PDE7B: variants seen among roughly 807,000 people sequenced by gnomAD.
The protein encoded by PDE7B is phosphodiesterase 7B.
In PDE7B, 29 loss-of-function variants were observed where a neutral mutation model predicts 56.2. The ratio of observed to expected loss-of-function variants is 0.52; its 90% CI spans 0.38 to 0.70. The LOEUF (loss-of-function observed/expected upper bound fraction) is 0.70. Among genes scored for constraint, PDE7B ranks in the 30% least tolerant of loss-of-function variants. The pLI is 0.00. For missense variants in PDE7B, 490 were observed against 565.0 expected (o/e 0.87, Z 1.35); for synonymous variants, 197 against 196.9 (o/e 1.00, Z 0.00).
At chr6:135,935,218 T>TA (rs1457746105) in intron 1 of PDE7B, among the ~76,000 whole-genome samples, 368 of 34,720 alleles carry the variant, frequency 0.011, 82 homozygotes, top group Admixed American at 0.1. Flanking sequence ...ATATATATAT[T>TA]TTCATGATTC....
intron 10 of PDE7B, 75 bp from the exon 11 acceptor site, chr6:136,181,152 C>A: frequency 2.0e-6 from 2 of 981,010 alleles, no homozygotes; most frequent in African/African-American, 1.6e-5. Flanking sequence ...AGCTTGATAG[C>A]CTCTTTGGCT....
chr6:136,151,126 A>G, intron 5 of PDE7B, 34 bp from the exon 6 acceptor site: 1 of 1,105,886 alleles, frequency 9.0e-7, no homozygotes, highest in African/African-American at 1.5e-5. Flanking sequence ...GTGGTGATCA[A>G]AATTAGTTAA....
chr6:135,874,690 T>C (rs780604678), intron 1 of PDE7B, among the ~76,000 whole-genome samples: 3 of 152,202 alleles, frequency 2.0e-5, no homozygotes, highest in Non-Finnish European at 4.4e-5. Context: ...ATGAACATAT[T>C]TTCTGTAATT....
intron 1 of PDE7B, among the ~76,000 whole-genome samples, chr6:135,895,877 T>TCCA (rs1775893009): frequency 6.6e-6 from 1 of 152,136 alleles, no homozygotes; most frequent in South Asian, 2.1e-4. Flanking sequence ...TACTTCCTCC[T>TCCA]CCACCACCAC....
intron 2 of PDE7B, among the ~76,000 whole-genome samples, chr6:136,050,931 C>T (rs868272514): frequency 4.6e-5 from 7 of 152,130 alleles, no homozygotes; most frequent in South Asian, 4.1e-4. Flanking sequence ...TCCTCTCAGA[C>T]GCTTCCCAGG....
intron 1 of PDE7B, among the ~76,000 whole-genome samples, chr6:135,907,489 A>G (rs1776136949): frequency 1.3e-5 from 2 of 152,028 alleles, no homozygotes; most frequent in African/African-American, 4.8e-5. Context: ...TATTTTGTCT[A>G]GTTTCTATAG....
intron 2 of PDE7B, among the ~76,000 whole-genome samples, chr6:136,104,218 CTGTT>C (rs1295221895): frequency 6.6e-6 from 1 of 152,214 alleles, no homozygotes; most frequent in Non-Finnish European, 1.5e-5. Flanking sequence ...AATGCCCCTG[CTGTT>C]TGTTTCCTTT....
intron 2 of PDE7B, among the ~76,000 whole-genome samples, chr6:136,006,001 T>G (rs1775774700): frequency 6.6e-6 from 1 of 151,686 alleles, no homozygotes; most frequent in East Asian, 1.9e-4. Context: ...GTGGCACATA[T>G]ACACCATGGA....
intron 1 of PDE7B, among the ~76,000 whole-genome samples, chr6:135,907,451 GCGGTGCTTTTAGTCAATTAT>G (rs1345808462): frequency 6.6e-6 from 1 of 152,032 alleles, no homozygotes; most frequent in Admixed American, 6.6e-5. Context: ...TGGTTGCTCA[GCGGTGCTTTTAGTCAATTAT>G]TTGTTTATAT....
intron 3 of PDE7B, among the ~76,000 whole-genome samples, chr6:136,126,718 C>T (rs1437568415): frequency 2.0e-5 from 3 of 152,158 alleles, no homozygotes; most frequent in Admixed American, 6.5e-5. Flanking sequence ...AACCAAACAT[C>T]GTATGTTCTC....
intron 1 of PDE7B, among the ~76,000 whole-genome samples, chr6:135,944,405 T>G (rs2128199048): frequency 6.6e-6 from 1 of 152,248 alleles, no homozygotes; most frequent in South Asian, 2.1e-4. Context: ...AAGAAACTGG[T>G]TTTTTTCAAG....
chr6:136,002,633 T>C (rs1775694035), intron 2 of PDE7B, among the ~76,000 whole-genome samples: 1 of 152,160 alleles, frequency 6.6e-6, no homozygotes, highest in African/African-American at 2.4e-5. Context: ...AAGGGATCAA[T>C]TCAACAAGAA....
chr6:136,011,271 C>T (rs1031411614), intron 2 of PDE7B, among the ~76,000 whole-genome samples: 1 of 152,070 alleles, frequency 6.6e-6, no homozygotes, highest in Non-Finnish European at 1.5e-5. Context: ...TCAGGCTGCT[C>T]TCTTATCCAA....
chr6:135,859,107 C>A (rs1165455611), intron 1 of PDE7B, among the ~76,000 whole-genome samples: 1 of 151,206 alleles, frequency 6.6e-6, no homozygotes, highest in African/African-American at 2.4e-5. Context: ...ATGCCACTTG[C>A]CAGCTGGGTC....
chr6:136,054,120 A>G (rs193147220), intron 2 of PDE7B, among the ~76,000 whole-genome samples: 57 of 152,298 alleles, frequency 3.7e-4, no homozygotes, highest in African/African-American at 1.3e-3. Flanking sequence ...TTAGACATGA[A>G]GTTCTTGCCC....
intron 2 of PDE7B, chr6:136,038,478 C>A (rs1198466521): frequency 1.6e-6 from 2 of 1,289,664 alleles, no homozygotes; most frequent in South Asian, 1.2e-5. Flanking sequence ...CTGCAGGCGA[C>A]CAAACAGAGA....
At chr6:135,931,511 A>G (rs892920874) in intron 1 of PDE7B, among the ~76,000 whole-genome samples, 7 of 152,236 alleles carry the variant, frequency 4.6e-5, no homozygotes, top group African/African-American at 7.2e-5. Flanking sequence ...GTGGCAGGCC[A>G]AGAAAACAAC....
chr6:135,976,539 C>G (rs1245060395), intron 2 of PDE7B, among the ~76,000 whole-genome samples: 2 of 152,068 alleles, frequency 1.3e-5, no homozygotes, highest in Non-Finnish European at 2.9e-5. Context: ...TTTTTTCTTC[C>G]TTAGGTCTTT....
chr6:135,958,174 G>C (rs1418035683), intron 2 of PDE7B, among the ~76,000 whole-genome samples: 1 of 152,194 alleles, frequency 6.6e-6, no homozygotes, highest in African/African-American at 2.4e-5. Context: ...AGAGGTTGCA[G>C]TGAGCCTAGA....
Sources: allele counts gnomAD v4.1 joint callset (sites outside exome capture counted in the v4.1 genomes callset), GRCh38; gene constraint gnomAD v4.1.1; transcripts MANE v1.5; gene names NCBI Gene and HGNC (gene_info 2026-07-23, HGNC 2026-07-21).